Variants in CYFIP1 observed in about 807,000 individuals in gnomAD.
CYFIP1 encodes cytoplasmic FMR1-interacting protein 1.
A neutral mutation model predicts 163.5 loss-of-function variants in CYFIP1; 58 were observed. The ratio of observed to expected loss-of-function variants is 0.35; its 90% CI spans 0.29 to 0.44. The LOEUF (loss-of-function observed/expected upper bound fraction) is 0.44. CYFIP1 is among the 20% of genes least tolerant of loss of function. The probability of loss-of-function intolerance (pLI) is 1.00; values close to 1 mark genes in which losing one functional copy is unlikely to be tolerated. For missense variants in CYFIP1, 1,338 were observed against 1,653.8 expected (o/e 0.81, Z 3.31); for synonymous variants, 663 against 660.7 (o/e 1.00, Z -0.05).
chr15:22,917,096 G>A lies in CYFIP1; in HGVS notation c.1675-466C>T. On this transcript the variant is annotated intron_variant, in intron 15 of 30. Transcript: ENST00000617928. This position sits in a 1 kb window ranked among gnomAD's most constrained non-coding sequence, Gnocchi z 4.2. ...TTAGTCACTCGACACACACACCCCAGGCAGGGACACGGGACGCACGCAGAG... is the reference window on the plus strand; with the variant it reads ...TTAGTCACTCGACACACACACCCCAAGCAGGGACACGGGACGCACGCAGAG... 4 of 1,468,820 alleles carry A rather than the reference G, an allele frequency of 2.7e-6. No homozygotes were observed. The highest frequency in any genetic ancestry group is 3.6e-6 in the Non-Finnish European group (4 of 1,114,136). The allele number at this position is 1,468,820 out of a possible 1,614,324, so 91.0% of individuals were successfully genotyped here.
intron 26 of CYFIP1, chr15:22,875,506 G>A: frequency 2.0e-6 from 1 of 505,340 alleles, no homozygotes; most frequent in Non-Finnish European, 3.6e-6. Context: ...GGCACTTGAG[G>A]AACTGAATTT....
chr15:22,967,299 C>T (rs1037557055), intron 1 of CYFIP1, among the ~76,000 whole-genome samples: 3 of 152,132 alleles, frequency 2.0e-5, no homozygotes, highest in African/African-American at 7.2e-5. Flanking sequence ...GGACGGGGCC[C>T]GACTAAGCCC....
rs940783701 is a variant in CYFIP1, at chr15:22,889,057, A to C, written c.2676+3833T>G. 1.4e-4 allele frequency among the ~76,000 whole-genome samples: 21 copies of C among 152,170 alleles called. No homozygotes were observed. The East Asian group carries it at 2.7e-3, about 20-fold the overall frequency. ...CTGTCTCAAAAAAAAAAAACACACAAAAAAAACAAAAAACAAAAAGAAAAA... is the reference window on the plus strand; with the variant it reads ...CTGTCTCAAAAAAAAAAAACACACACAAAAAACAAAAAACAAAAAGAAAAA... On this transcript the variant is annotated intron_variant, in intron 23 of 30. Transcript: ENST00000617928.
At chr15:22,874,478 T>C in intron 28 of CYFIP1, 72 bp downstream of exon 28, 1 of 1,240,126 alleles carries the variant, frequency 8.1e-7, no homozygotes, top group Non-Finnish European at 1.1e-6. Flanking sequence ...CCAGTCTGGC[T>C]CCCAACCAGG....
intron 21 of CYFIP1, chr15:22,905,173 T>G (rs191257205): frequency 2.0e-5 from 3 of 152,188 alleles, no homozygotes; most frequent in African/African-American, 7.2e-5. Flanking sequence ...AAATGTATTA[T>G]TATTATTTTT....
chr15:22,917,384 G>A lies in CYFIP1; in HGVS notation c.1674+404C>T. On this transcript the variant is annotated intron_variant, in intron 15 of 30. Transcript: ENST00000617928. This position sits in a 1 kb window ranked among gnomAD's most constrained non-coding sequence, Gnocchi z 4.2. ...GGAGAGAGGACAGTGGGCAGCTTAG[G>A]ACCATGACACACGCAAGCAGCACCT... 1.0e-6 allele frequency: 1 copy of A among 991,594 alleles called. No individual in the cohort carries two copies. Among genetic ancestry groups the A allele is most frequent in the Non-Finnish European group, 1.3e-6 (1 of 755,052 alleles). 61.4% of individuals were successfully genotyped at this position (991,594 alleles called of 1,614,324 possible).
intron 26 of CYFIP1, among the ~76,000 whole-genome samples, chr15:22,879,061 G>A (rs1253684523): frequency 1.3e-5 from 2 of 151,882 alleles, no homozygotes; most frequent in African/African-American, 4.8e-5. Flanking sequence ...GCGTGAACCC[G>A]GGAGGCGGAG....
rs764545860 is a variant in CYFIP1 at position 22,912,203 on chromosome 15, G to A, written c.2058C>T (p.Phe686=). The A allele has an allele frequency of 3.1e-6, 5 of 1,614,008 alleles. No homozygotes were observed. In the African/African-American group the frequency reaches 5.3e-5, roughly 17 times the overall value. ...HYALTRFNKQ[F]LYDEIEAEVN... is the part of the protein sequence containing the mutation. ...CCTCGGCCTCAATTTCGTCGTACAG[G>A]AACTGCTTGTTGAACCTGGTGAGCG... is the stretch of plus-strand genomic sequence containing the variant. Residue 686 remains phenylalanine (F), a synonymous_variant, in exon 18 of 31, where the codon TTC becomes TTT. Transcript: ENST00000617928.
At position 22,880,444 on chromosome 15, in the gene CYFIP1, T is replaced by TA. The variant is rs1595501880; in HGVS notation, c.2912-402dup. On this transcript the variant is annotated intron_variant, in intron 25 of 30. Coordinates refer to ENST00000617928, the MANE Select transcript of CYFIP1 (RefSeq NM_014608.6). ...CGCACCTAATCTGAGAAAGGGCATC[T>TA]AGGAAGCCTGCAGCTAACTAACAGC... Among the ~76,000 whole-genome samples, 3 of 152,264 alleles carry TA rather than the reference T, an allele frequency of 2.0e-5. No individual in the cohort carries two copies. The East Asian group carries it at 5.8e-4, about 29-fold the overall frequency.
At chr15:22,872,595 G>C in intron 30 of CYFIP1, 1 of 499,536 alleles carries the variant, frequency 2.0e-6, no homozygotes, top group South Asian at 2.2e-5. Flanking sequence ...AAGACTGGAA[G>C]TAAATCTAAG....
chr15:22,899,616 C>T (rs1424464025), intron 22 of CYFIP1, among the ~76,000 whole-genome samples: 5 of 152,166 alleles, frequency 3.3e-5, no homozygotes, highest in African/African-American at 4.8e-5. Context: ...TGTGAGGCCT[C>T]GCCAGCTATG....
chr15:22,951,262 G>A, intron 1 of CYFIP1: 1 of 1,028,378 alleles, frequency 9.7e-7, no homozygotes, highest in South Asian at 2.3e-5. Flanking sequence ...ACCGCAGCCG[G>A]TCACTGCTGC....
At chr15:22,904,223 G>A (rs1022630467) in intron 21 of CYFIP1, 9 of 436,778 alleles carry the variant, frequency 2.1e-5, no homozygotes, top group South Asian at 4.6e-5. Flanking sequence ...GCTGAGCCCC[G>A]GCCCTGCCCT....
At position 22,963,494 on chromosome 15, in the gene CYFIP1, A is replaced by AATAACATAACATAAC. The variant is rs56889524; in HGVS notation, c.-6-16218_-6-16204dup. Among the ~76,000 whole-genome samples the AATAACATAACATAAC allele has an allele frequency of 3.7e-3, 513 of 138,022 alleles. 5 individuals are homozygous for AATAACATAACATAAC. The highest frequency in any genetic ancestry group is 8.3e-3 in the South Asian group (34 of 4,074). The allele number at this position is 138,022 out of a possible 152,430, so 90.5% of individuals were successfully genotyped here. A position where few individuals can be genotyped will look rare whatever the true frequency, so the allele number is the denominator to read the frequency against. ...AACAAGAGCAAAACTCTGTTTCAAA[A>AATAACATAACATAAC]ATAACATAACATAACATAACATAAC... is the stretch of plus-strand genomic sequence containing the variant. On this transcript the variant is annotated intron_variant, in intron 1 of 30. Coordinates refer to ENST00000617928, the MANE Select transcript of CYFIP1 (RefSeq NM_014608.6).
intron 1 of CYFIP1, among the ~76,000 whole-genome samples, chr15:22,973,969 A>G (rs2063185408): frequency 6.6e-6 from 1 of 152,174 alleles, no homozygotes; most frequent in Admixed American, 6.6e-5. Flanking sequence ...CAAAACCACA[A>G]TGAGCTATCA....
At chr15:22,912,708 A>G (rs1459127354) in intron 17 of CYFIP1, among the ~76,000 whole-genome samples, 1 of 152,064 alleles carries the variant, frequency 6.6e-6, no homozygotes, top group Non-Finnish European at 1.5e-5. Flanking sequence ...CACTTGATTG[A>G]GGTGAGGAGT....
chr15:22,900,595 G>T (rs576386836), intron 22 of CYFIP1, among the ~76,000 whole-genome samples: 1 of 151,834 alleles, frequency 6.6e-6, no homozygotes, highest in South Asian at 2.1e-4. Flanking sequence ...TAGAGACAGG[G>T]TTTCACCGTG....
rs560055619 is a variant in CYFIP1 at position 22,909,978 on chromosome 15, G to A, written c.2268+542C>T. 3.8e-4 allele frequency among the ~76,000 whole-genome samples: 58 copies of A among 151,856 alleles called. 1 individual carries two copies. The East Asian group carries it at 6.0e-3, about 16-fold the overall frequency. ...CTCCTGGAGAAGGGCTGACCCCTCCGGGCTATGCCTGCCCCCAGGAGCCGC... is the reference window on the plus strand; with the variant it reads ...CTCCTGGAGAAGGGCTGACCCCTCCAGGCTATGCCTGCCCCCAGGAGCCGC... On this transcript the variant is annotated intron_variant, in intron 20 of 30. Transcript: ENST00000617928.
intron 12 of CYFIP1, among the ~76,000 whole-genome samples, chr15:22,927,619 G>A (rs1007111877): frequency 1.3e-5 from 2 of 151,834 alleles, no homozygotes; most frequent in Non-Finnish European, 2.9e-5. Flanking sequence ...TTGCACCACC[G>A]CACTCCAGCC....
Sources: gnomAD v4.1 joint callset for allele counts (sites outside exome capture counted in the v4.1 genomes callset) on GRCh38, gnomAD v4.1.1 for gene constraint, Gnocchi (gnomAD v3.1) non-coding constraint, MANE v1.5 for transcripts, NCBI Gene and HGNC (gene_info 2026-07-23, HGNC 2026-07-21) for gene names.